The following ENTREP2 variants were observed in gnomAD, a reference collection of about 807,000 sequenced individuals.
ENTREP2 encodes endosomal transmembrane epsin interactor 2.
chr15:29,187,262 CTT>C, the ENTREP2 span, among the ~76,000 whole-genome samples: 2 of 151,960 alleles, frequency 1.3e-5, no homozygotes, highest in East Asian at 1.9e-4. Flanking sequence ...GTCTGTTTTT[CTT>C]TCTTTCTTTT....
At chr15:29,674,140 G>GGA in the ENTREP2 span, among the ~76,000 whole-genome samples, 3 of 148,816 alleles carry the variant, frequency 2.0e-5, no homozygotes, top group Non-Finnish European at 4.5e-5. Flanking sequence ...GGGGGGGGGG[G>GGA]GGGCTTTGCC....
chr15:29,655,890 C>T, the ENTREP2 span, among the ~76,000 whole-genome samples: 2 of 151,744 alleles, frequency 1.3e-5, no homozygotes, highest in Admixed American at 1.3e-4. Context: ...CTGGGTGCAG[C>T]GGTGCATGCC....
the ENTREP2 span, among the ~76,000 whole-genome samples, chr15:29,221,185 C>T: frequency 6.6e-6 from 1 of 152,166 alleles, no homozygotes; most frequent in Admixed American, 6.5e-5. Flanking sequence ...TTTTACACCA[C>T]CTTTTAATGC....
chr15:29,638,200 T>C, the ENTREP2 span, among the ~76,000 whole-genome samples: 202 of 152,360 alleles, frequency 1.3e-3, no homozygotes, highest in African/African-American at 4.6e-3. Flanking sequence ...ACAGTGGCTA[T>C]GGGCCAGGCA....
chr15:29,562,203 T>C, the ENTREP2 span, among the ~76,000 whole-genome samples: 1 of 152,244 alleles, frequency 6.6e-6, no homozygotes, highest in Non-Finnish European at 1.5e-5. Flanking sequence ...GGAATGCTCA[T>C]GTTCCTGGGT....
the ENTREP2 span, among the ~76,000 whole-genome samples, chr15:29,647,859 T>C: frequency 6.6e-6 from 1 of 152,062 alleles, no homozygotes; most frequent in South Asian, 2.1e-4. Flanking sequence ...TGGGACATGA[T>C]TTAGGAGGTG....
chr15:29,177,046 A>T, the ENTREP2 span, among the ~76,000 whole-genome samples: 5 of 152,264 alleles, frequency 3.3e-5, no homozygotes, highest in East Asian at 9.7e-4. Flanking sequence ...GGTAGAGCCA[A>T]GGGTGGGAGA....
At chr15:29,126,287 A>G in the ENTREP2 span, 1 of 1,479,698 alleles carries the variant, frequency 6.8e-7, no homozygotes, top group Non-Finnish European at 9.0e-7. Flanking sequence ...AGATGTGCAC[A>G]AGGTGGGGTC....
chr15:29,405,959 A>G, the ENTREP2 span, among the ~76,000 whole-genome samples: 1 of 152,250 alleles, frequency 6.6e-6, no homozygotes, highest in Admixed American at 6.5e-5. Flanking sequence ...GGAAAGGCAG[A>G]TAAGCTGAAG....
chr15:29,303,567 T>C, the ENTREP2 span, among the ~76,000 whole-genome samples: 1 of 152,148 alleles, frequency 6.6e-6, no homozygotes, highest in Non-Finnish European at 1.5e-5. Context: ...TTGGGGGTTG[T>C]TGTGCAGGTT....
the ENTREP2 span, among the ~76,000 whole-genome samples, chr15:29,354,148 C>T: frequency 0.01 from 1,527 of 152,276 alleles, 40 homozygotes; most frequent in African/African-American, 0.035. Flanking sequence ...AGAGGAAGGG[C>T]GCCGTCTCTC....
the ENTREP2 span, among the ~76,000 whole-genome samples, chr15:29,525,756 G>A: frequency 4.6e-5 from 7 of 152,192 alleles, no homozygotes; most frequent in Non-Finnish European, 1.0e-4. Flanking sequence ...ATCACAAGAT[G>A]AAGCCATTTT....
the ENTREP2 span, among the ~76,000 whole-genome samples, chr15:29,192,282 G>C: frequency 6.6e-6 from 1 of 152,180 alleles, no homozygotes; most frequent in Admixed American, 6.5e-5. Flanking sequence ...GATATTCAAT[G>C]CAAAAGAGAA....
At chr15:29,456,892 A>G in the ENTREP2 span, among the ~76,000 whole-genome samples, 1 of 152,200 alleles carries the variant, frequency 6.6e-6, no homozygotes, top group African/African-American at 2.4e-5. Context: ...GTCTATAAAC[A>G]GGTACACTAT....
the ENTREP2 span, among the ~76,000 whole-genome samples, chr15:29,285,185 T>C: frequency 6.6e-6 from 1 of 152,178 alleles, no homozygotes; most frequent in Non-Finnish European, 1.5e-5. Flanking sequence ...TGTGGTTTTC[T>C]TTTGTTAGAT....
At chr15:29,174,546 G>A in the ENTREP2 span, among the ~76,000 whole-genome samples, 27 of 152,022 alleles carry the variant, frequency 1.8e-4, no homozygotes, top group Non-Finnish European at 2.5e-4. Context: ...AAAATTAGCC[G>A]GGCATGGTGG....
At chr15:29,559,658 A>G in the ENTREP2 span, among the ~76,000 whole-genome samples, 1 of 151,888 alleles carries the variant, frequency 6.6e-6, no homozygotes, top group East Asian at 1.9e-4. Context: ...TCTTCCTCAC[A>G]TCATTCCAGT....
the ENTREP2 span, among the ~76,000 whole-genome samples, chr15:29,383,328 T>C: frequency 0.041 from 6,211 of 152,082 alleles, 273 homozygotes; most frequent in African/African-American, 0.11. Context: ...CAACCTCTGC[T>C]CTCCACAAGA....
At chr15:29,287,630 A>G in the ENTREP2 span, among the ~76,000 whole-genome samples, 1 of 152,242 alleles carries the variant, frequency 6.6e-6, no homozygotes, top group East Asian at 1.9e-4. Context: ...AAATTACGTG[A>G]GACCCAAATA....
Sources: gnomAD v4.1 joint callset for allele counts (sites outside exome capture counted in the v4.1 genomes callset) on GRCh38, gnomAD v4.1.1 for gene constraint, MANE v1.5 for transcripts, NCBI Gene and HGNC (gene_info 2026-07-23, HGNC 2026-07-21) for gene names.